ADAMTS12: variants seen among roughly 807,000 people sequenced by gnomAD.
The protein encoded by ADAMTS12 is A disintegrin and metalloproteinase with thrombospondin motifs 12.
In ADAMTS12, 118 loss-of-function variants were observed where a neutral mutation model predicts 167.8. That is an observed-to-expected ratio of 0.70 (90% CI 0.61 to 0.82). The LOEUF (loss-of-function observed/expected upper bound fraction) is 0.82. Among genes scored for constraint, ADAMTS12 ranks in the 40% least tolerant of loss-of-function variants. ADAMTS12 has a pLI of 0.00. For synonymous variants in ADAMTS12, 704 were observed against 716.9 expected (o/e 0.98, Z 0.29); for missense variants, 1,916 against 1,998.8 (o/e 0.96, Z 0.79).
In ADAMTS12 at chr5:33,576,090, G is replaced by C. The variant is rs143099189; in HGVS notation, c.3936C>G (p.His1312Gln). The change falls in exon 19 of 24, where the codon CAC becomes CAG. Residue 1312 changes from histidine (H) to glutamine (Q), a missense_variant. Transcript: ENST00000504830. ...TTCCGACGATCCAGTGTGCAGAGCC[G>C]TGGCCGTTTGTGAGCTGCTTGTAAT... ...ASNYKQLTNG[H>Q]GSAHWIVGNW... 1 of 1,614,114 alleles carries C rather than the reference G, an allele frequency of 6.2e-7. No homozygotes were observed. Among genetic ancestry groups the C allele is most frequent in the East Asian group, 2.2e-5 (1 of 44,880 alleles).
chr5:33,817,213 C>T (rs1416279972), intron 2 of ADAMTS12, among the ~76,000 whole-genome samples: 1 of 152,154 alleles, frequency 6.6e-6, no homozygotes, highest in Non-Finnish European at 1.5e-5. Flanking sequence ...AATCTTGAAA[C>T]CTACAGGTAG....
chr5:33,799,405 A>G (rs753583646), intron 2 of ADAMTS12, among the ~76,000 whole-genome samples: 1 of 152,158 alleles, frequency 6.6e-6, no homozygotes, highest in African/African-American at 2.4e-5. Flanking sequence ...TTCTAGTCCC[A>G]TCACACTCTC....
At chr5:33,694,434 A>G (rs892880040) in intron 3 of ADAMTS12, among the ~76,000 whole-genome samples, 2 of 152,228 alleles carry the variant, frequency 1.3e-5, no homozygotes, top group Non-Finnish European at 2.9e-5. Flanking sequence ...AAAAGACAGA[A>G]AAGTAGACCT....
At chr5:33,668,777 C>A (rs113495325) in intron 5 of ADAMTS12, among the ~76,000 whole-genome samples, 1 of 152,202 alleles carries the variant, frequency 6.6e-6, no homozygotes, top group Admixed American at 6.5e-5. Context: ...AGCCTCCACA[C>A]CCGGCCTCTG....
At chr5:33,622,427 G>A (rs1342489401) in intron 14 of ADAMTS12, among the ~76,000 whole-genome samples, 2 of 152,204 alleles carry the variant, frequency 1.3e-5, no homozygotes, top group African/African-American at 4.8e-5. Flanking sequence ...AAGCTGAGGT[G>A]GGTGGATCAC....
At chr5:33,884,825 A>G (rs1295120790) in intron 1 of ADAMTS12, among the ~76,000 whole-genome samples, 1 of 152,212 alleles carries the variant, frequency 6.6e-6, no homozygotes, top group African/African-American at 2.4e-5. Context: ...CCATTTGAAT[A>G]CCCTGTTATA....
At chr5:33,567,701 G>A (rs987364171) in intron 19 of ADAMTS12, among the ~76,000 whole-genome samples, 1 of 152,064 alleles carries the variant, frequency 6.6e-6, no homozygotes, top group Non-Finnish European at 1.5e-5. Flanking sequence ...ATTTGCCCAG[G>A]TGAACTCAAA....
At chr5:33,708,040 C>G (rs542396204) in intron 3 of ADAMTS12, among the ~76,000 whole-genome samples, 1 of 152,144 alleles carries the variant, frequency 6.6e-6, no homozygotes, top group Non-Finnish European at 1.5e-5. Flanking sequence ...TTTTTGCAAT[C>G]TATCCATCTG....
chr5:33,577,410 T>C (rs1475448826), intron 18 of ADAMTS12, among the ~76,000 whole-genome samples: 4 of 152,214 alleles, frequency 2.6e-5, no homozygotes, highest in Non-Finnish European at 5.9e-5. Flanking sequence ...GTAGTCAAAC[T>C]GCAGTCCCTT....
At chr5:33,751,378 C>T in intron 3 of ADAMTS12, 26 bp downstream of exon 3, 1 of 1,613,986 alleles carries the variant, frequency 6.2e-7, no homozygotes, top group Non-Finnish European at 8.5e-7. Context: ...ATTCTTCAAC[C>T]CAGGAGGACA....
intron 14 of ADAMTS12, among the ~76,000 whole-genome samples, chr5:33,619,992 C>T (rs184938582): frequency 7.4e-4 from 113 of 152,316 alleles, no homozygotes; most frequent in Middle Eastern, 3.4e-3. Flanking sequence ...TGCATCCGGC[C>T]AATGACTTTG....
chr5:33,720,179 G>A (rs913458770), intron 3 of ADAMTS12, among the ~76,000 whole-genome samples: 1 of 151,928 alleles, frequency 6.6e-6, no homozygotes, highest in Non-Finnish European at 1.5e-5. Flanking sequence ...ATGGGGTTAA[G>A]AGAAATTTAT....
rs1440167376 is a variant in ADAMTS12, at chr5:33,526,856, T to C, written c.*332A>G. The C allele has an allele frequency of 9.5e-6, 2 of 210,926 alleles. No individual in the cohort carries two copies. Among genetic ancestry groups the C allele is most frequent in the African/African-American group, 4.6e-5 (2 of 43,684 alleles). 13.1% of individuals were successfully genotyped at this position (210,926 alleles called of 1,614,324 possible). A position where few individuals can be genotyped will look rare whatever the true frequency, so the allele number is the denominator to read the frequency against. On this transcript the variant is annotated 3_prime_UTR_variant, in exon 24 of 24. Coordinates refer to ENST00000504830, the MANE Select transcript of ADAMTS12 (RefSeq NM_030955.4). ...CTCTTGAGGTAGTCAGGGAAATAGC[T>C]GGTCTCTTTGTTTTTATCTTTAAGG...
rs756429142 is a variant in ADAMTS12, at chr5:33,881,331, A to G, written c.277T>C (p.Tyr93His). 1.9e-5 allele frequency: 30 copies of G among 1,614,114 alleles called. No homozygotes were observed. The highest frequency in any genetic ancestry group is 2.4e-5 in the Non-Finnish European group (28 of 1,180,046). The change falls in exon 2 of 24, where the codon TAC becomes CAC. Residue 93 changes from tyrosine (Y) to histidine (H), a missense_variant. By Grantham distance (83) the Tyr-to-His change is moderately conservative (BLOSUM62 2). Transcript: ENST00000504830. ...TCCTTCTCCTCGTGAGAAATTCTGT[A>G]GTACACCCAGTCCTCTGAGCCATCC... ...DLDGSEDWVY[Y>H]RISHEEKDLF...
chr5:33,789,272 T>C (rs1267603640), intron 2 of ADAMTS12, among the ~76,000 whole-genome samples: 1 of 152,194 alleles, frequency 6.6e-6, no homozygotes, highest in Non-Finnish European at 1.5e-5. Flanking sequence ...TGTCCCACCA[T>C]GGATGTCTAT....
intron 2 of ADAMTS12, among the ~76,000 whole-genome samples, chr5:33,866,133 A>C (rs1273088256): frequency 6.6e-6 from 1 of 152,192 alleles, no homozygotes; most frequent in Admixed American, 6.5e-5. Context: ...AACCAAAGAA[A>C]GAGCCTGAAT....
At chr5:33,758,845 ACT>A (rs1205614139) in intron 2 of ADAMTS12, among the ~76,000 whole-genome samples, 1 of 151,786 alleles carries the variant, frequency 6.6e-6, no homozygotes, top group Non-Finnish European at 1.5e-5. Flanking sequence ...GTCAGTTCCA[ACT>A]CTCTCTCTCC....
intron 17 of ADAMTS12, among the ~76,000 whole-genome samples, chr5:33,593,122 C>T (rs1188806845): frequency 6.6e-6 from 1 of 152,068 alleles, no homozygotes; most frequent in South Asian, 2.1e-4. Flanking sequence ...AGTAAAAATA[C>T]AAAAATTAGC....
intron 3 of ADAMTS12, among the ~76,000 whole-genome samples, chr5:33,720,540 A>T (rs1329462837): frequency 3.9e-5 from 6 of 152,222 alleles, no homozygotes; most frequent in African/African-American, 1.4e-4. Flanking sequence ...AGAAAGAAAG[A>T]TGAGATAAAT....
Sources: gnomAD v4.1 joint callset for allele counts (sites outside exome capture counted in the v4.1 genomes callset) on GRCh38, gnomAD v4.1.1 for gene constraint, MANE v1.5 for transcripts, NCBI Gene and HGNC (gene_info 2026-07-23, HGNC 2026-07-21) for gene names.